LRP1B: variants seen among roughly 807,000 people sequenced by gnomAD.
The protein encoded by LRP1B is LDL receptor related protein 1B.
A neutral mutation model predicts 556.6 loss-of-function variants in LRP1B; 217 were observed. The ratio of observed to expected loss-of-function variants is 0.39; its 90% CI spans 0.35 to 0.44. The LOEUF is 0.44. Ranked by LOEUF, LRP1B falls within the 20% of genes least tolerant of loss-of-function variation. The pLI is 1.00. For missense variants in LRP1B, 5,053 were observed against 5,620.8 expected, an observed-to-expected ratio of 0.90 and a Z score of 3.23; for synonymous variants, 2,047 against 1,865.8, an observed-to-expected ratio of 1.10 and a Z score of -2.50.
chr2:141,616,082 G>A (rs565770854), intron 2 of LRP1B, among the ~76,000 whole-genome samples: 2 of 152,176 alleles, frequency 1.3e-5, no homozygotes, highest in South Asian at 4.1e-4. Flanking sequence ...AGGAGTTTGA[G>A]ACCATCCTGG....
At chr2:140,534,237 T>C in intron 46 of LRP1B, 97 bp from the exon 47 acceptor site, 1 of 1,143,590 alleles carries the variant, frequency 8.7e-7, no homozygotes, top group African/African-American at 1.6e-5. Flanking sequence ...AATGACTGGA[T>C]TATGGATCTA....
At chr2:141,057,828 A>G (rs1485340111) in intron 9 of LRP1B, among the ~76,000 whole-genome samples, 2 of 151,834 alleles carry the variant, frequency 1.3e-5, no homozygotes, top group African/African-American at 4.8e-5. Flanking sequence ...TCTCCTTCAA[A>G]TACCTCAAGT....
intron 3 of LRP1B, among the ~76,000 whole-genome samples, chr2:141,420,505 C>T (rs1287629530): frequency 6.8e-6 from 1 of 146,394 alleles, no homozygotes. Context: ...ACCAAAAGCT[C>T]GTAAGTTTTT....
intron 1 of LRP1B, among the ~76,000 whole-genome samples, chr2:141,911,329 G>A (rs566400240): frequency 6.6e-6 from 1 of 152,158 alleles, no homozygotes; most frequent in South Asian, 2.1e-4. Flanking sequence ...TTATATTTCT[G>A]CAATAAAATT....
intron 2 of LRP1B, among the ~76,000 whole-genome samples, chr2:141,678,658 A>AT (rs1558799389): frequency 1.2e-4 from 18 of 152,328 alleles, no homozygotes; most frequent in Non-Finnish European, 2.6e-4. Context: ...AGAACACTCA[A>AT]AGAATATCTA....
chr2:140,566,441 T>G (rs749435794), intron 43 of LRP1B, among the ~76,000 whole-genome samples: 7 of 152,152 alleles, frequency 4.6e-5, no homozygotes, highest in Non-Finnish European at 8.8e-5. Flanking sequence ...AGTTGCTTTA[T>G]CTATACCTTC....
intron 1 of LRP1B, among the ~76,000 whole-genome samples, chr2:142,087,923 A>C (rs944686379): frequency 6.6e-6 from 1 of 152,108 alleles, no homozygotes; most frequent in Non-Finnish European, 1.5e-5. Context: ...ACTGACATTA[A>C]TATATTTTTT....
intron 1 of LRP1B, among the ~76,000 whole-genome samples, chr2:142,089,366 G>T (rs1474406618): frequency 2.6e-5 from 4 of 152,172 alleles, no homozygotes; most frequent in Non-Finnish European, 4.4e-5. Flanking sequence ...AGAGTAAGGT[G>T]CATAGACCAA....
intron 1 of LRP1B, among the ~76,000 whole-genome samples, chr2:141,945,888 C>T (rs924013115): frequency 2.0e-4 from 30 of 152,138 alleles, no homozygotes; most frequent in Non-Finnish European, 1.2e-4. Flanking sequence ...CCAGCCAATT[C>T]GAATCCTTGC....
At position 142,037,120 on chromosome 2, in the gene LRP1B, G is replaced by A. The variant is rs72990351; in HGVS notation, c.82+93528C>T. Reference sequence around the variant, plus strand: ...TCATAAATGCCTGAAGTGCAGAAATGGTCAAAACAAAGACAGACAAAAACC... The same window carrying A: ...TCATAAATGCCTGAAGTGCAGAAATAGTCAAAACAAAGACAGACAAAAACC... On this transcript the variant is annotated intron_variant, in intron 1 of 90. Coordinates refer to ENST00000389484, the MANE Select transcript of LRP1B (RefSeq NM_018557.3). Among the ~76,000 whole-genome samples, 606 of 151,626 alleles carry A rather than the reference G, an allele frequency of 4.0e-3. 2 individuals carry two copies. The highest frequency in any genetic ancestry group is 0.014 in the African/African-American group (585 of 41,458).
At chr2:141,907,112 G>C (rs1488958401) in intron 1 of LRP1B, among the ~76,000 whole-genome samples, 1 of 151,972 alleles carries the variant, frequency 6.6e-6, no homozygotes, top group Non-Finnish European at 1.5e-5. Flanking sequence ...TAAAACTTGG[G>C]ATATGAAATT....
chr2:140,435,340 A>G (rs576403542), intron 66 of LRP1B, among the ~76,000 whole-genome samples: 2 of 152,328 alleles, frequency 1.3e-5, no homozygotes, highest in African/African-American at 2.4e-5. Flanking sequence ...AGAACTGAAT[A>G]TACTTGGCAA....
At chr2:140,729,142 T>A (rs575775316) in intron 35 of LRP1B, among the ~76,000 whole-genome samples, 17 of 152,238 alleles carry the variant, frequency 1.1e-4, no homozygotes, top group African/African-American at 4.1e-4. Context: ...GAGAAGAATC[T>A]AATTTTAATT....
At chr2:140,596,253 T>C (rs1044133899) in intron 43 of LRP1B, among the ~76,000 whole-genome samples, 5 of 152,196 alleles carry the variant, frequency 3.3e-5, no homozygotes, top group Non-Finnish European at 7.3e-5. Flanking sequence ...GACCCCAGCT[T>C]CAAATGATTA....
chr2:141,161,029 C>G (rs1037861464), intron 7 of LRP1B, among the ~76,000 whole-genome samples: 4 of 151,956 alleles, frequency 2.6e-5, no homozygotes, highest in African/African-American at 9.7e-5. Context: ...ACAAGAGGAA[C>G]TTTCTATTAA....
chr2:141,370,722 G>A (rs1225380312), intron 3 of LRP1B, among the ~76,000 whole-genome samples: 1 of 151,958 alleles, frequency 6.6e-6, no homozygotes, highest in Non-Finnish European at 1.5e-5. Context: ...TCTTTGCCTA[G>A]ACCAGTGTCT....
At chr2:141,710,293 A>C (rs956978462) in intron 2 of LRP1B, among the ~76,000 whole-genome samples, 11 of 152,138 alleles carry the variant, frequency 7.2e-5, no homozygotes, top group African/African-American at 2.4e-4. Flanking sequence ...TTTTCCTTCT[A>C]CATTGTCTTT....
chr2:141,806,519 G>C (rs374370295), intron 2 of LRP1B, among the ~76,000 whole-genome samples: 77 of 151,980 alleles, frequency 5.1e-4, no homozygotes, highest in African/African-American at 1.7e-3. Flanking sequence ...TTTTCCAATT[G>C]TGTATTTTAG....
chr2:141,176,961 C>T (rs1341944340), intron 7 of LRP1B, among the ~76,000 whole-genome samples: 1 of 152,014 alleles, frequency 6.6e-6, no homozygotes, highest in African/African-American at 2.4e-5. Flanking sequence ...TAATGTCCTC[C>T]TTCTGCTTTT....
Sources: allele counts gnomAD v4.1 joint callset (sites outside exome capture counted in the v4.1 genomes callset), GRCh38; gene constraint gnomAD v4.1.1; transcripts MANE v1.5; gene names NCBI Gene and HGNC (gene_info 2026-07-23, HGNC 2026-07-21).